TRIM23: variants seen among roughly 807,000 people sequenced by gnomAD.
The protein encoded by TRIM23 is E3 ubiquitin-protein ligase TRIM23.
A neutral mutation model predicts 71.0 loss-of-function variants in TRIM23; 27 were observed. The ratio of observed to expected loss-of-function variants is 0.38; its 90% CI spans 0.28 to 0.52. The LOEUF is 0.52. Among genes scored for constraint, TRIM23 ranks in the 20% least tolerant of loss-of-function variants. The pLI, the probability that TRIM23 is intolerant of heterozygous loss-of-function variation, is 0.84. For missense variants in TRIM23, 482 were observed against 692.3 expected (o/e 0.70, Z 3.41); for synonymous variants, 234 against 238.0 (o/e 0.98, Z 0.16).
At chr5:65,610,585 T>C (rs991331382) in intron 5 of TRIM23, among the ~76,000 whole-genome samples, 1 of 152,236 alleles carries the variant, frequency 6.6e-6, no homozygotes, top group Non-Finnish European at 1.5e-5. Context: ...TTAAACACCA[T>C]TTCTTCTATA....
At chr5:65,603,274 G>A (rs541145631) in intron 7 of TRIM23, among the ~76,000 whole-genome samples, 1 of 152,246 alleles carries the variant, frequency 6.6e-6, no homozygotes, top group Non-Finnish European at 1.5e-5. Flanking sequence ...ATTTTTAAAT[G>A]GTTGAGATAG....
chr5:65,616,636 T>G (rs1034964639), intron 2 of TRIM23, among the ~76,000 whole-genome samples: 1 of 107,900 alleles, frequency 9.3e-6, no homozygotes, highest in Admixed American at 8.8e-5. Context: ...AGTAACACTC[T>G]GCTTTAAAAA....
chr5:65,613,652 A>G (rs1056381115), intron 3 of TRIM23: 79 of 1,111,772 alleles, frequency 7.1e-5, no homozygotes, highest in African/African-American at 1.1e-4. Flanking sequence ...TCTTGAAGCT[A>G]TAACAGTAAC....
chr5:65,616,450 A>G (rs1286617746), intron 2 of TRIM23, among the ~76,000 whole-genome samples: 1 of 151,618 alleles, frequency 6.6e-6, no homozygotes, highest in Non-Finnish European at 1.5e-5. Context: ...GAGACCAGCC[A>G]GGCCAACATG....
In TRIM23 at chr5:65,605,095, GAA is replaced by G. The variant is rs1259556050; in HGVS notation, c.1045-52_1045-51del. 11 of 1,499,572 alleles carry G rather than the reference GAA, an allele frequency of 7.3e-6. No individual in the cohort carries two copies. The African/African-American group carries it at 1.1e-4, about 15-fold the overall frequency. 92.9% of individuals were successfully genotyped at this position (1,499,572 alleles called of 1,614,324 possible). A position where few individuals can be genotyped will look rare whatever the true frequency, so the allele number is the denominator to read the frequency against. On this transcript the variant is annotated intron_variant, in intron 6 of 10. Transcript: ENST00000231524. ...TTATAAACTTTTTATAAGAAATAAG[GAA>G]AAGAGACTTATATTACCAACTCACA...
chr5:65,612,141 A>G (rs1324846288), intron 3 of TRIM23, among the ~76,000 whole-genome samples: 2 of 152,234 alleles, frequency 1.3e-5, no homozygotes, highest in African/African-American at 4.8e-5. Context: ...TCATAGATTC[A>G]TATTCGGTGC....
intron 8 of TRIM23, 75 bp from the exon 9 acceptor site, chr5:65,596,606 C>A: frequency 1.1e-6 from 1 of 882,356 alleles, no homozygotes; most frequent in South Asian, 1.5e-5. Flanking sequence ...CAGACAACCC[C>A]CAGTTTATAA....
rs1753982479 is a variant in TRIM23, at chr5:65,590,291, A to G, written c.*1478T>C. 7.3e-7 allele frequency: 1 copy of G among 1,377,378 alleles called. No individual in the cohort carries two copies. Among genetic ancestry groups the G allele is most frequent in the African/African-American group, 1.4e-5 (1 of 69,200 alleles). The allele number at this position is 1,377,378 out of a possible 1,614,324, so 85.3% of individuals were successfully genotyped here. A position where few individuals can be genotyped will look rare whatever the true frequency, so the allele number is the denominator to read the frequency against. On this transcript the variant is annotated 3_prime_UTR_variant, in exon 11 of 11. Coordinates refer to ENST00000231524, the MANE Select transcript of TRIM23 (RefSeq NM_001656.4). ...GCACACAAACTACACCTGTAACAGC[A>G]TGACCTTTTACCTGAAAAATAAAGG... is the stretch of plus-strand genomic sequence containing the variant.
At chr5:65,606,700 G>T (rs1335736717) in intron 6 of TRIM23, among the ~76,000 whole-genome samples, 1 of 152,134 alleles carries the variant, frequency 6.6e-6, no homozygotes, top group Admixed American at 6.5e-5. Context: ...CGGCCTGAAC[G>T]AATTCCTTCA....
chr5:65,606,280 C>A (rs62369058), intron 6 of TRIM23, among the ~76,000 whole-genome samples: 3 of 151,730 alleles, frequency 2.0e-5, no homozygotes, highest in Non-Finnish European at 4.4e-5. Flanking sequence ...TCTGTCTCTA[C>A]GAAAAATACA....
At chr5:65,598,603 C>T (rs942043931) in intron 7 of TRIM23, among the ~76,000 whole-genome samples, 1 of 152,028 alleles carries the variant, frequency 6.6e-6, no homozygotes, top group Admixed American at 6.6e-5. Flanking sequence ...TACAAAATTA[C>T]CCAGGCATGG....
intron 1 of TRIM23, among the ~76,000 whole-genome samples, chr5:65,623,900 T>C (rs1217208339): frequency 6.6e-6 from 1 of 152,082 alleles, no homozygotes; most frequent in East Asian, 1.9e-4. Flanking sequence ...GTCTGTTGAG[T>C]TTAACTAAAA....
chr5:65,605,629 T>A (rs1340291129), intron 6 of TRIM23, among the ~76,000 whole-genome samples: 1 of 152,176 alleles, frequency 6.6e-6, no homozygotes, highest in East Asian at 1.9e-4. Context: ...CAGATATACA[T>A]GTATTCGTTA....
chr5:65,617,556 C>T (rs959958758), intron 2 of TRIM23, among the ~76,000 whole-genome samples: 2 of 151,848 alleles, frequency 1.3e-5, no homozygotes, highest in African/African-American at 4.8e-5. Flanking sequence ...GTTTGAAATA[C>T]GTAAAGAAAA....
At chr5:65,609,953 G>C (rs154847) in intron 5 of TRIM23, among the ~76,000 whole-genome samples, 97,972 of 151,882 alleles carry the variant, frequency 0.65, 31,977 homozygotes, top group African/African-American at 0.71. Flanking sequence ...ATCATTATCA[G>C]CTCTCTTTCA....
rs764080102 is a variant in TRIM23, at chr5:65,624,284, G to T, written c.-10C>A. On this transcript the variant is annotated 5_prime_UTR_variant, in exon 1 of 11. Coordinates refer to ENST00000231524, the MANE Select transcript of TRIM23 (RefSeq NM_001656.4). ...CAACCAGGGTAGCCATCCTCGCAGG[G>T]GAAGCGCCACAGAAACAGCCTTCAG... is the stretch of plus-strand genomic sequence containing the variant. 2 of 1,613,638 alleles carry T rather than the reference G, an allele frequency of 1.2e-6. No individual in the cohort carries two copies. Among genetic ancestry groups the T allele is most frequent in the Admixed American group, 3.3e-5 (2 of 59,996 alleles).
intron 1 of TRIM23, among the ~76,000 whole-genome samples, chr5:65,621,056 G>C (rs1179817192): frequency 6.6e-6 from 1 of 151,532 alleles, no homozygotes; most frequent in Non-Finnish European, 1.5e-5. Context: ...ATTAAATATA[G>C]AAAAAATATT....
intron 6 of TRIM23, among the ~76,000 whole-genome samples, chr5:65,606,530 A>G (rs890216800): frequency 1.3e-5 from 2 of 151,738 alleles, no homozygotes; most frequent in African/African-American, 2.4e-5. Context: ...CTTACATATA[A>G]TTCTCTATTA....
In TRIM23 at chr5:65,590,255, G is replaced by A; in HGVS notation, c.*1514C>T. 1 of 1,077,462 alleles carries A rather than the reference G, an allele frequency of 9.3e-7. No individual in the cohort carries two copies. Among genetic ancestry groups the A allele is most frequent in the Non-Finnish European group, 1.4e-6 (1 of 727,304 alleles). 66.7% of individuals were successfully genotyped at this position (1,077,462 alleles called of 1,614,324 possible). Reference sequence around the variant, plus strand: ...AAATATTAAATAATTTAATTCGGAAGTATTATTTATGCACACAAACTACAC... The same window carrying A: ...AAATATTAAATAATTTAATTCGGAAATATTATTTATGCACACAAACTACAC... On this transcript the variant is annotated 3_prime_UTR_variant, in exon 11 of 11. Coordinates refer to ENST00000231524, the MANE Select transcript of TRIM23 (RefSeq NM_001656.4).
Sources: gnomAD v4.1 joint callset for allele counts (sites outside exome capture counted in the v4.1 genomes callset) on GRCh38, gnomAD v4.1.1 for gene constraint, MANE v1.5 for transcripts, NCBI Gene and HGNC (gene_info 2026-07-23, HGNC 2026-07-21) for gene names.